JAK2: variants seen among roughly 807,000 people sequenced by gnomAD.
JAK2 encodes Janus kinase 2, also known as tyrosine-protein kinase JAK2.
JAK2 carries 86 observed loss-of-function variants against 139.3 expected under a neutral mutation model. The ratio of observed to expected loss-of-function variants is 0.62; its 90% CI spans 0.52 to 0.74. The LOEUF (loss-of-function observed/expected upper bound fraction) is 0.74, where lower values mean the gene tolerates loss of function less well. Among genes scored for constraint, JAK2 ranks in the 30% least tolerant of loss-of-function variants. The pLI, the probability that JAK2 is intolerant of heterozygous loss-of-function variation, is 0.00. For synonymous variants in JAK2, 490 were observed against 437.7 expected, an observed-to-expected ratio of 1.12 and a Z score of -1.49; for missense variants, 1,421 against 1,360.3, an observed-to-expected ratio of 1.04 and a Z score of -0.70.
chr9:5,126,573 G>A, intron 24 of JAK2, 111 bp from the exon 25 acceptor site: 1 of 930,066 alleles, frequency 1.1e-6, no homozygotes, highest in Non-Finnish European at 1.7e-6. Context: ...AGATGACTGT[G>A]GAACAAGGCA....
Position 5,050,921 on chromosome 9 carries a change from GA to G in JAK2, c.614+91del. 82 of 1,101,780 alleles carry G rather than the reference GA, an allele frequency of 7.4e-5. 2 individuals carry two copies. The South Asian group carries it at 7.6e-4, about 10-fold the overall frequency. 68.3% of individuals were successfully genotyped at this position (1,101,780 alleles called of 1,614,324 possible). On this transcript the variant is annotated intron_variant, in intron 6 of 24. Coordinates refer to ENST00000381652, the MANE Select transcript of JAK2 (RefSeq NM_004972.4). ...TTTTCTGTGTTTACCCATGCCTTTT[GA>G]TTTTGTAATACTAGTTAAGTACTCC... is the stretch of plus-strand genomic sequence containing the variant.
chr9:5,058,466 C>T (rs1243184090), intron 8 of JAK2, among the ~76,000 whole-genome samples: 1 of 152,094 alleles, frequency 6.6e-6, no homozygotes, highest in Non-Finnish European at 1.5e-5. Flanking sequence ...GGAAACAACC[C>T]CCATGATTCA....
At chr9:4,988,879 C>A (rs571906987) in intron 2 of JAK2, among the ~76,000 whole-genome samples, 2 of 152,306 alleles carry the variant, frequency 1.3e-5, no homozygotes, top group East Asian at 3.9e-4. Context: ...CTACTTCTTT[C>A]ATTTACCTCT....
chr9:5,096,731 C>G (rs555311891), intron 22 of JAK2: 2 of 152,076 alleles, frequency 1.3e-5, no homozygotes, highest in Non-Finnish European at 2.9e-5. Context: ...ACCTGCTGTT[C>G]GGCGCATGAG....
At chr9:5,021,616 T>C (rs1822433911) in intron 2 of JAK2, among the ~76,000 whole-genome samples, 1 of 151,924 alleles carries the variant, frequency 6.6e-6, no homozygotes, top group Non-Finnish European at 1.5e-5. Flanking sequence ...TTTCCATTTG[T>C]AACTTTATTT....
chr9:5,077,331 G>C (rs890433446), intron 14 of JAK2, 122 bp from the exon 15 acceptor site: 9 of 343,180 alleles, frequency 2.6e-5, no homozygotes, highest in Non-Finnish European at 4.0e-5. Flanking sequence ...TTAAAGTTGT[G>C]AGTTTTGCCA....
In JAK2 at chr9:5,022,154, C is replaced by G; in HGVS notation, c.167C>G (p.Thr56Ser). The G allele has an allele frequency of 6.2e-7, 1 of 1,614,136 alleles. No individual in the cohort carries two copies. The highest frequency in any genetic ancestry group is 2.2e-5 in the East Asian group (1 of 44,890). Residue 56 changes from threonine to serine, a missense_variant, in exon 3 of 25, where the codon ACC becomes AGC. Thr to Ser is a moderately conservative substitution (Grantham distance 58, BLOSUM62 1). Coordinates refer to ENST00000381652, the MANE Select transcript of JAK2 (RefSeq NM_004972.4). ...GGGAAATCTGAGGCAGATTATCTGA[C>G]CTTTCCATCTGGGGAGTATGTTGCA... ...SLGKSEADYLTFPSGEYVAEE... is the reference protein window; with the variant it reads ...SLGKSEADYLSFPSGEYVAEE...
chr9:5,103,942 C>T (rs11531774), intron 22 of JAK2, among the ~76,000 whole-genome samples: 24,426 of 152,042 alleles, frequency 0.16, 2,276 homozygotes, highest in Middle Eastern at 0.22. Context: ...ATTTATAGCA[C>T]TAAATGCCCA....
intron 22 of JAK2, among the ~76,000 whole-genome samples, chr9:5,104,374 A>C (rs559711257): frequency 6.6e-6 from 1 of 152,358 alleles, no homozygotes; most frequent in African/African-American, 2.4e-5. Flanking sequence ...GAAGAAGTTG[A>C]ATCTCTGAAT....
At chr9:5,073,660 G>C (rs751310547) in intron 13 of JAK2, 38 bp from the exon 14 acceptor site, 10 of 1,474,878 alleles carry the variant, frequency 6.8e-6, no homozygotes, top group Non-Finnish European at 8.5e-6. Context: ...ATGGACAACA[G>C]TCAAACAACA....
intron 4 of JAK2, chr9:5,041,746 T>A: frequency 6.1e-6 from 3 of 491,928 alleles, no homozygotes; most frequent in Non-Finnish European, 1.2e-5. Flanking sequence ...GCGACCCCCA[T>A]CAGCAGTGTC....
At chr9:5,112,056 G>A (rs1822618946) in intron 22 of JAK2, 1 of 406,166 alleles carries the variant, frequency 2.5e-6, no homozygotes, top group Non-Finnish European at 4.9e-6. Context: ...CTACGACGGG[G>A]GTCTCCACGG....
chr9:5,008,824 G>A (rs1213517178), intron 2 of JAK2, among the ~76,000 whole-genome samples: 7 of 151,888 alleles, frequency 4.6e-5, no homozygotes, highest in East Asian at 1.9e-4. Context: ...GTTTTCATTC[G>A]TCCTCCATCT....
At chr9:5,090,638 C>G in intron 21 of JAK2, 68 bp downstream of exon 21, 1 of 1,525,608 alleles carries the variant, frequency 6.6e-7, no homozygotes, top group Admixed American at 2.2e-5. Flanking sequence ...AGGAAATCAT[C>G]TAGACGTTTT....
rs139964957 is a variant in JAK2, at chr9:5,128,080, T to TTGTG, written c.*1327_*1330dup. The TTGTG allele has an allele frequency of 5.9e-3, 1,315 of 224,656 alleles. 14 individuals carry two copies. Among genetic ancestry groups the TTGTG allele is most frequent in the African/African-American group, 0.023 (980 of 43,224 alleles). The allele number at this position is 224,656 out of a possible 1,614,324, so 13.9% of individuals were successfully genotyped here. On this transcript the variant is annotated 3_prime_UTR_variant, in exon 25 of 25. Coordinates refer to ENST00000381652, the MANE Select transcript of JAK2 (RefSeq NM_004972.4). ...TAGCTAAAATAAAATATGGTGGGTT[T>TTGTG]TGTGTGTGTGTGTGTGTGTGTGTGT...
rs1435553343 is a variant in JAK2, at chr9:5,069,920, T to C, written c.1514-5T>C. On this transcript the variant is annotated splice_polypyrimidine_tract_variant and splice_region_variant and intron_variant, in intron 11 of 24. Transcript: ENST00000381652. ...AAGTGATATATATGTATTTTATTTT[T>C]TCAGATAAATCAAACCTTCTAGTCT... The C allele has an allele frequency of 6.3e-7, 1 of 1,578,710 alleles. No individual in the cohort carries two copies. The highest frequency in any genetic ancestry group is 8.6e-7 in the Non-Finnish European group (1 of 1,156,302).
At chr9:5,036,968 T>C (rs1455908055) in intron 4 of JAK2, among the ~76,000 whole-genome samples, 2 of 152,136 alleles carry the variant, frequency 1.3e-5, no homozygotes, top group Non-Finnish European at 2.9e-5. Context: ...ACTCATCTGA[T>C]AAAGGGCTAA....
intron 22 of JAK2, chr9:5,110,353 A>G (rs1235989457): frequency 1.3e-5 from 2 of 152,212 alleles, no homozygotes; most frequent in African/African-American, 4.8e-5. Context: ...ACACAAAATG[A>G]TATTTAAAAA....
At position 5,080,071 on chromosome 9, in the gene JAK2, A is replaced by G. The variant is rs1563983068; in HGVS notation, c.2132-158A>G. Reference sequence around the variant, plus strand: ...ATCTTGAAGGTCCCTTCTGGTTCTTAAGCTTATGCAGTCATGTGCATGTGC... The same window carrying G: ...ATCTTGAAGGTCCCTTCTGGTTCTTGAGCTTATGCAGTCATGTGCATGTGC... On this transcript the variant is annotated intron_variant, in intron 16 of 24. Coordinates refer to ENST00000381652, the MANE Select transcript of JAK2 (RefSeq NM_004972.4). Among the ~76,000 whole-genome samples the G allele has an allele frequency of 2.6e-5, 4 of 152,304 alleles. No individual in the cohort carries two copies. In the East Asian group the frequency reaches 5.8e-4, roughly 22 times the overall value.
Sources: gnomAD v4.1 joint callset for allele counts (sites outside exome capture counted in the v4.1 genomes callset) on GRCh38, gnomAD v4.1.1 for gene constraint, MANE v1.5 for transcripts, NCBI Gene and HGNC (gene_info 2026-07-23, HGNC 2026-07-21) for gene names.